The following RUNX1T1 variants were observed in gnomAD, a reference collection of about 807,000 sequenced individuals.
RUNX1T1 encodes the protein RUNX1 partner transcriptional co-repressor 1.
A neutral mutation model predicts 62.8 loss-of-function variants in RUNX1T1; 4 were observed. The ratio of observed to expected loss-of-function variants is 0.06; its 90% CI spans 0.03 to 0.15. The LOEUF is 0.15. Among genes scored for constraint, RUNX1T1 ranks in the 10% least tolerant of loss-of-function variants. The pLI is 1.00. For missense variants in RUNX1T1, 508 were observed against 754.3 expected, an observed-to-expected ratio of 0.67 and a Z score of 3.82; for synonymous variants, 291 against 286.0, an observed-to-expected ratio of 1.02 and a Z score of -0.18.
intron 10 of RUNX1T1, among the ~76,000 whole-genome samples, chr8:91,964,422 G>T (rs530728284): frequency 6.6e-6 from 1 of 152,072 alleles, no homozygotes; most frequent in Admixed American, 6.6e-5. Context: ...AAATATAATA[G>T]AATGATTGTA....
intron 8 of RUNX1T1, among the ~76,000 whole-genome samples, chr8:91,976,494 C>T (rs76956385): frequency 0.042 from 6,405 of 152,158 alleles, 443 homozygotes; most frequent in African/African-American, 0.15. Context: ...AAATTTTTCA[C>T]ACAAATTAGA....
chr8:92,011,784 C>T (rs889656730), intron 3 of RUNX1T1, among the ~76,000 whole-genome samples: 1 of 152,182 alleles, frequency 6.6e-6, no homozygotes, highest in Non-Finnish European at 1.5e-5. Context: ...AACTCAGATT[C>T]ACTTCTAACC....
At chr8:91,991,378 T>G (rs540137219) in intron 6 of RUNX1T1, among the ~76,000 whole-genome samples, 1 of 152,232 alleles carries the variant, frequency 6.6e-6, no homozygotes, top group Non-Finnish European at 1.5e-5. Context: ...ATTGAGGGTC[T>G]TGTATTAATC....
intron 4 of RUNX1T1, among the ~76,000 whole-genome samples, chr8:92,008,394 A>T (rs879594843): frequency 0.13 from 15,037 of 112,284 alleles, 980 homozygotes; most frequent in African/African-American, 0.23. Flanking sequence ...TCTCTCACAC[A>T]CACACACACA....
At chr8:91,958,728 CAAAAA>C (rs34044770), downstream of RUNX1T1, 117 of 130,128 alleles carry the variant, frequency 9.0e-4, 1 homozygote, top group African/African-American at 2.6e-3. Context: ...AGAATTTGCT[CAAAAA>C]AAAAAAAAAA....
intron 1 of RUNX1T1, among the ~76,000 whole-genome samples, chr8:92,056,336 C>T (rs1831029473): frequency 6.6e-6 from 1 of 152,180 alleles, no homozygotes; most frequent in South Asian, 2.1e-4. Context: ...CCTCCTACAT[C>T]CCTTCTTCCT....
intron 1 of RUNX1T1, among the ~76,000 whole-genome samples, chr8:92,055,239 T>C (rs1830849685): frequency 6.6e-6 from 1 of 152,052 alleles, no homozygotes; most frequent in Admixed American, 6.6e-5. Context: ...GAAAATATGA[T>C]CAAAATATAG....
chr8:92,052,552 T>G (rs2130410474), intron 1 of RUNX1T1, among the ~76,000 whole-genome samples: 1 of 152,322 alleles, frequency 6.6e-6, no homozygotes, highest in Admixed American at 6.5e-5. Flanking sequence ...TTCCATACTT[T>G]TAGGACCTAA....
At chr8:91,987,944 T>C (rs557243906) in intron 6 of RUNX1T1, among the ~76,000 whole-genome samples, 3 of 152,246 alleles carry the variant, frequency 2.0e-5, no homozygotes, top group Non-Finnish European at 2.9e-5. Flanking sequence ...GAACAGCAAA[T>C]AGAGTTTCTT....
intron 1 of RUNX1T1, among the ~76,000 whole-genome samples, chr8:92,077,717 C>T (rs998930131): frequency 6.6e-6 from 1 of 152,032 alleles, no homozygotes; most frequent in Non-Finnish European, 1.5e-5. Flanking sequence ...GATCATGCCC[C>T]TATATGAGCC....
chr8:91,967,339 A>C (rs17746068), intron 10 of RUNX1T1, among the ~76,000 whole-genome samples: 2,352 of 151,964 alleles, frequency 0.015, 28 homozygotes, highest in Middle Eastern at 0.041. Flanking sequence ...CTTACTCCAA[A>C]AGGCATCCCA....
chr8:92,003,842 TG>T (rs1820219832), intron 5 of RUNX1T1, among the ~76,000 whole-genome samples: 1 of 152,184 alleles, frequency 6.6e-6, no homozygotes. Flanking sequence ...AAATATGATT[TG>T]CAAGAATAAG....
At chr8:92,066,413 T>G (rs1832883670), upstream of RUNX1T1, among the ~76,000 whole-genome samples, 1 of 152,224 alleles carries the variant, frequency 6.6e-6, no homozygotes, top group South Asian at 2.1e-4. Context: ...ATGGAGGCAT[T>G]AGCTCTGCTT....
chr8:92,073,568 C>A (rs1241566272), intron 2 of RUNX1T1, among the ~76,000 whole-genome samples: 1 of 152,138 alleles, frequency 6.6e-6, no homozygotes, highest in Non-Finnish European at 1.5e-5. Flanking sequence ...CCAATGGATT[C>A]CAGGTGTTCT....
In RUNX1T1 at chr8:91,982,312, A is replaced by G. The variant is rs182528715; in HGVS notation, c.1198+3812T>C. ...AAACAAAAAGAGCGCACACAGATAC[A>G]AGACAAACTACAGAAAGATTCTAGA... On this transcript the variant is annotated intron_variant, in intron 8 of 10. Coordinates refer to ENST00000396218, the Ensembl canonical transcript of RUNX1T1. Among the ~76,000 whole-genome samples, 5 of 152,186 alleles carry G rather than the reference A, an allele frequency of 3.3e-5. No homozygotes were observed. The East Asian group carries it at 9.6e-4, about 29-fold the overall frequency.
chr8:91,965,932 C>A (rs988227202), intron 10 of RUNX1T1, among the ~76,000 whole-genome samples: 4 of 151,926 alleles, frequency 2.6e-5, no homozygotes, highest in Admixed American at 6.6e-5. Flanking sequence ...TACTTCTCCT[C>A]ATCTCATTGG....
At chr8:91,980,355 A>G (rs979921469) in intron 8 of RUNX1T1, among the ~76,000 whole-genome samples, 1 of 152,240 alleles carries the variant, frequency 6.6e-6, no homozygotes. Context: ...AAATATACAC[A>G]GAATAACTTG....
intron 1 of RUNX1T1, among the ~76,000 whole-genome samples, chr8:92,056,065 C>T (rs1447263797): frequency 6.6e-6 from 1 of 152,116 alleles, no homozygotes; most frequent in Non-Finnish European, 1.5e-5. Context: ...TAAATTGTTA[C>T]CTCAGGACCC....
intron 10 of RUNX1T1, 47 bp from the exon 12 acceptor site, chr8:91,960,564 T>C (rs375279082): frequency 1.3e-6 from 2 of 1,581,732 alleles, no homozygotes; most frequent in Non-Finnish European, 1.7e-6. Context: ...TAATACACTG[T>C]TAAGACAATA....
Sources: gnomAD v4.1 joint callset for allele counts (sites outside exome capture counted in the v4.1 genomes callset) on GRCh38, gnomAD v4.1.1 for gene constraint, MANE v1.5 for transcripts, NCBI Gene and HGNC (gene_info 2026-07-23, HGNC 2026-07-21) for gene names.